The following DGKG variants were observed in gnomAD, a reference collection of about 807,000 sequenced individuals.
The protein encoded by DGKG is diacylglycerol kinase gamma, also known as DAG kinase gamma.
Under a neutral mutation model 105.3 loss-of-function variants are expected in DGKG, and 78 were observed. The observed-to-expected ratio is 0.74, with a 90% CI of 0.62 to 0.89. The LOEUF is 0.89. Ranked by LOEUF, DGKG falls within the 40% of genes least tolerant of loss-of-function variation. The pLI, the probability that DGKG is intolerant of heterozygous loss-of-function variation, is 0.00. For missense variants in DGKG, 958 were observed against 1,020.1 expected (o/e 0.94, Z 0.83); for synonymous variants, 346 against 367.1 (o/e 0.94, Z 0.66).
In DGKG at chr3:186,231,393, T is replaced by C. The variant is rs951973557; in HGVS notation, c.1826+11111A>G. The stretch of plus-strand genomic sequence containing the variant: ...GCTTCTCTAGTAACTAGTGTGGTCT[T>C]GAGCAAGTTGCATCATCTCTATGAG... On this transcript the variant is annotated intron_variant, in intron 20 of 24. Transcript: ENST00000265022. The surrounding 1 kb of genome is among the most constrained non-coding windows in gnomAD (Gnocchi z 4.5). 6.6e-6 allele frequency among the ~76,000 whole-genome samples: 1 copy of C among 152,274 alleles called. No individual in the cohort carries two copies. The highest frequency in any genetic ancestry group is 3.4e-3 in the Middle Eastern group (1 of 294).
chr3:186,315,322 A>G (rs1268783670), intron 2 of DGKG, among the ~76,000 whole-genome samples: 1 of 152,188 alleles, frequency 6.6e-6, no homozygotes, highest in African/African-American at 2.4e-5. Context: ...ATTCAAAATT[A>G]ACTACACACC....
chr3:186,200,365 AG>A (rs2108510376), intron 21 of DGKG, among the ~76,000 whole-genome samples: 1 of 152,286 alleles, frequency 6.6e-6, no homozygotes, highest in Non-Finnish European at 1.5e-5. Context: ...AGTGCTGTCT[AG>A]GGAAGAAGAT....
At chr3:186,275,289 G>A (rs1333618015) in intron 10 of DGKG, among the ~76,000 whole-genome samples, 1 of 152,162 alleles carries the variant, frequency 6.6e-6, no homozygotes, top group Non-Finnish European at 1.5e-5. Flanking sequence ...ATTATTTGTG[G>A]ACTTTAATAA....
intron 20 of DGKG, among the ~76,000 whole-genome samples, chr3:186,212,850 C>T (rs1479647417): frequency 6.6e-6 from 1 of 152,208 alleles, no homozygotes; most frequent in African/African-American, 2.4e-5. Flanking sequence ...AACAAAATCA[C>T]ATTCTTCTTG....
intron 22 of DGKG, among the ~76,000 whole-genome samples, chr3:186,187,082 A>G (rs1717674900): frequency 6.6e-6 from 1 of 152,176 alleles, no homozygotes. Flanking sequence ...GAGAGGCCAA[A>G]ACATACGGGG....
intron 1 of DGKG, among the ~76,000 whole-genome samples, chr3:186,335,647 T>C (rs1725798819): frequency 1.3e-5 from 2 of 152,242 alleles, no homozygotes; most frequent in African/African-American, 4.8e-5. Context: ...AAACAGAAAC[T>C]GTCCAATGCT....
Position 186,149,896 on chromosome 3 carries a change from GT to G in DGKG, c.*193del, listed in dbSNP as rs1487583557. The G allele has an allele frequency of 7.1e-7, 1 of 1,402,698 alleles. No individual in the cohort carries two copies. The highest frequency in any genetic ancestry group is 9.2e-7 in the Non-Finnish European group (1 of 1,083,328). 86.9% of individuals were successfully genotyped at this position (1,402,698 alleles called of 1,614,324 possible). A position where few individuals can be genotyped will look rare whatever the true frequency, so the allele number is the denominator to read the frequency against. On this transcript the variant is annotated 3_prime_UTR_variant, in exon 25 of 25. Transcript: ENST00000265022. ...TGTTGGCACTGGCTCTGTTAGGGGT[GT>G]ACCCACTGTTGAAACAGAATGTATG...
At chr3:186,164,850 T>G in intron 23 of DGKG, 48 bp downstream of exon 23, 5 of 1,577,448 alleles carry the variant, frequency 3.2e-6, no homozygotes, top group Non-Finnish European at 1.7e-6. Flanking sequence ...CATGAATGTG[T>G]ACGCAGGCGG....
intron 1 of DGKG, among the ~76,000 whole-genome samples, chr3:186,333,275 G>T (rs1725684847): frequency 6.6e-6 from 1 of 152,126 alleles, no homozygotes; most frequent in Non-Finnish European, 1.5e-5. Context: ...TTCAGGGAGG[G>T]TCAGCAACCT....
At chr3:186,252,075 C>A (rs930913474) in intron 18 of DGKG, among the ~76,000 whole-genome samples, 156 bp from the exon 19 acceptor site, 3 of 152,184 alleles carry the variant, frequency 2.0e-5, no homozygotes, top group Admixed American at 6.5e-5. Context: ...CCCCGAGCCA[C>A]AGAGAAGGGC....
intron 19 of DGKG, among the ~76,000 whole-genome samples, chr3:186,246,063 C>A (rs899346776): frequency 1.2e-4 from 18 of 152,156 alleles, no homozygotes; most frequent in African/African-American, 4.3e-4. Flanking sequence ...GCTCTGCCTC[C>A]TGGGTTCAAG....
rs773665596 is a variant in DGKG at position 186,288,669 on chromosome 3, C to T, written c.544+41G>A. 1.1e-5 allele frequency: 17 copies of T among 1,606,540 alleles called. No homozygotes were observed. In the South Asian group the frequency reaches 1.9e-4, roughly 18 times the overall value. On this transcript the variant is annotated intron_variant, in intron 6 of 24. Coordinates refer to ENST00000265022, the MANE Select transcript of DGKG (RefSeq NM_001346.3). ...AATGGATAGAACCCCAGATCCTTCT[C>T]TAGGAAAAAGCTGAAGCCCCTTGAC...
chr3:186,173,074 TG>T (rs909439992), intron 22 of DGKG, among the ~76,000 whole-genome samples: 2 of 152,202 alleles, frequency 1.3e-5, no homozygotes, highest in African/African-American at 4.8e-5. Flanking sequence ...TGGACCTTGG[TG>T]TTTCTCTGTG....
rs1719872608 is a variant in DGKG, at chr3:186,226,580, G to A, written c.1827-14695C>T. Among the ~76,000 whole-genome samples, 1 of 152,350 alleles carries A rather than the reference G, an allele frequency of 6.6e-6. No individual in the cohort carries two copies. The highest frequency in any genetic ancestry group is 2.4e-5 in the African/African-American group (1 of 41,586). ...AATAAAAGTTTCACTGAGATCAACA[G>A]TTTGCAGTTTTCATTTACCCAGGAC... On this transcript the variant is annotated intron_variant, in intron 20 of 24. Coordinates refer to ENST00000265022, the MANE Select transcript of DGKG (RefSeq NM_001346.3). The surrounding 1 kb of genome is among the most constrained non-coding windows in gnomAD (Gnocchi z 4.2).
chr3:186,187,128 A>C (rs1366607663), intron 22 of DGKG, among the ~76,000 whole-genome samples: 1 of 152,188 alleles, frequency 6.6e-6, no homozygotes, highest in African/African-American at 2.4e-5. Context: ...TTTTTCTCCA[A>C]GCCACTGCAG....
intron 1 of DGKG, among the ~76,000 whole-genome samples, chr3:186,324,752 AG>A (rs1328788518): frequency 2.0e-5 from 3 of 152,272 alleles, no homozygotes; most frequent in African/African-American, 4.8e-5. Context: ...AATGTAAATT[AG>A]TTCAGTCACT....
Position 186,251,785 on chromosome 3 carries a change from T to C in DGKG, c.1735A>G (p.Met579Val), listed in dbSNP as rs1721241001. ...ACACCAATGGAGAAATAGTTGTTCA[T>C]GATGCTGTATGGGACCTGGTCCCCG... Reference protein sequence around the residue: ...ENGDQVPYSIMNNYFSIGVDA... With the variant: ...ENGDQVPYSIVNNYFSIGVDA... The change falls in exon 19 of 25, where the codon ATG (methionine) becomes GTG (valine). Residue 579 changes from methionine to valine, a missense_variant. Around this residue, in one of 2 missense-constraint regions of DGKG, gnomAD observed 315 missense variants for 400.6 expected, o/e 0.79. Coordinates refer to ENST00000265022, the MANE Select transcript of DGKG (RefSeq NM_001346.3). The C allele has an allele frequency of 6.2e-7, 1 of 1,614,104 alleles. No homozygotes were observed. Among genetic ancestry groups the C allele is most frequent in the East Asian group, 2.2e-5 (1 of 44,894 alleles).
chr3:186,207,354 G>A, intron 21 of DGKG: 1 of 717,424 alleles, frequency 1.4e-6, no homozygotes, highest in East Asian at 1.3e-4. Flanking sequence ...ACTCTCGGGT[G>A]TCTGGCAAAT....
At chr3:186,289,651 A>C (rs546213265) in intron 5 of DGKG, among the ~76,000 whole-genome samples, 1 of 152,286 alleles carries the variant, frequency 6.6e-6, no homozygotes, top group East Asian at 1.9e-4. Flanking sequence ...CTCCATGCTC[A>C]TCAGAAATGA....
Sources: gnomAD v4.1 joint callset for allele counts (sites outside exome capture counted in the v4.1 genomes callset) on GRCh38, gnomAD v4.1.1 for gene constraint, gnomAD v4.1.1 regional missense constraint, Gnocchi (gnomAD v3.1) non-coding constraint, MANE v1.5 for transcripts, NCBI Gene and HGNC (gene_info 2026-07-23, HGNC 2026-07-21) for gene names.